The following MBOAT1 variants were observed in gnomAD, a reference collection of about 807,000 sequenced individuals.
The protein encoded by MBOAT1 is membrane-bound glycerophospholipid O-acyltransferase 1.
MBOAT1 carries 67 observed loss-of-function variants against 64.4 expected under a neutral mutation model. That is an observed-to-expected ratio of 1.04 (90% CI 0.85 to 1.27). The LOEUF is 1.27. MBOAT1 is among the 50% of genes most tolerant of loss of function. MBOAT1 has a pLI of 0.00. For missense variants in MBOAT1, 563 were observed against 604.6 expected (o/e 0.93, Z 0.72); for synonymous variants, 229 against 218.9 (o/e 1.05, Z -0.41).
chr6:20,144,430 C>T, intron 3 of MBOAT1, 115 bp from the exon 4 acceptor site: 1 of 718,712 alleles, frequency 1.4e-6, no homozygotes, highest in Non-Finnish European at 2.4e-6. Context: ...AATGTCCTAT[C>T]TGGTCTGACG....
rs16883368 is a variant in MBOAT1, at chr6:20,118,834, C to T, written c.908-294G>A. ...TGCAGAAATGAGAATAAACAAGAAA[C>T]GAAGAACCGAAATGAATAAATAAAC... On this transcript the variant is annotated intron_variant, in intron 8 of 12. Coordinates refer to ENST00000324607, the MANE Select transcript of MBOAT1 (RefSeq NM_001080480.3). 0.16 allele frequency among the ~76,000 whole-genome samples: 24,352 copies of T among 151,974 alleles called. 2,343 individuals are homozygous for T. The highest frequency in any genetic ancestry group is 0.41 in the East Asian group (2,119 of 5,146).
chr6:20,117,110 G>T (rs1760347681), intron 9 of MBOAT1, among the ~76,000 whole-genome samples: 1 of 152,166 alleles, frequency 6.6e-6, no homozygotes, highest in South Asian at 2.1e-4. Context: ...CGTGACCGGG[G>T]ACTGCTTCTT....
At chr6:20,180,797 G>A (rs1478703008) in intron 1 of MBOAT1, among the ~76,000 whole-genome samples, 1 of 152,164 alleles carries the variant, frequency 6.6e-6, no homozygotes, top group Non-Finnish European at 1.5e-5. Context: ...GACATACAAT[G>A]TATCCATGGG....
At chr6:20,206,102 C>G (rs1453615906) in intron 1 of MBOAT1, among the ~76,000 whole-genome samples, 1 of 152,216 alleles carries the variant, frequency 6.6e-6, no homozygotes, top group South Asian at 2.1e-4. Flanking sequence ...TTTACCATCA[C>G]GACAGCAAAG....
At chr6:20,111,916 A>G (rs1470858077) in intron 11 of MBOAT1, among the ~76,000 whole-genome samples, 1 of 144,246 alleles carries the variant, frequency 6.9e-6, no homozygotes, top group Non-Finnish European at 1.5e-5. Context: ...GTGTCTAACT[A>G]AAACAAGAGA....
At chr6:20,187,993 A>C (rs536438312) in intron 1 of MBOAT1, among the ~76,000 whole-genome samples, 106 of 152,298 alleles carry the variant, frequency 7.0e-4, no homozygotes, top group African/African-American at 2.4e-3. Context: ...TCAAAAAAAA[A>C]GAGAGAGAAG....
intron 5 of MBOAT1, among the ~76,000 whole-genome samples, chr6:20,129,195 G>A (rs1760745272): frequency 6.6e-6 from 1 of 151,832 alleles, no homozygotes; most frequent in Non-Finnish European, 1.5e-5. Flanking sequence ...CCTGGTTGTG[G>A]GACATAATGG....
In MBOAT1 at chr6:20,162,701, T is replaced by C. The variant is rs185559376; in HGVS notation, c.100-9932A>G. Reference sequence around the variant, plus strand: ...TCAATGGCCCCAAAACCCTCAGCTGTAGGGCAGCTCCATTAGTCAAACTGA... The same window carrying C: ...TCAATGGCCCCAAAACCCTCAGCTGCAGGGCAGCTCCATTAGTCAAACTGA... On this transcript the variant is annotated intron_variant, in intron 1 of 12. Coordinates refer to ENST00000324607, the MANE Select transcript of MBOAT1 (RefSeq NM_001080480.3). 2.0e-4 allele frequency among the ~76,000 whole-genome samples: 30 copies of C among 152,282 alleles called. 1 individual carries two copies. The highest frequency in any genetic ancestry group is 5.3e-4 in the African/African-American group (22 of 41,558).
chr6:20,159,122 A>G (rs188956101), intron 1 of MBOAT1, among the ~76,000 whole-genome samples: 2 of 152,110 alleles, frequency 1.3e-5, no homozygotes, highest in African/African-American at 4.8e-5. Context: ...CTGCACTCCC[A>G]TGCTCACTGC....
intron 4 of MBOAT1, among the ~76,000 whole-genome samples, chr6:20,136,921 T>C (rs1015888160): frequency 2.0e-5 from 3 of 152,220 alleles, no homozygotes; most frequent in South Asian, 4.1e-4. Context: ...TCTTGGGACA[T>C]GTATTTGTCT....
chr6:20,144,119 A>T, intron 4 of MBOAT1, 101 bp downstream of exon 4: 1 of 747,400 alleles, frequency 1.3e-6, no homozygotes, highest in Non-Finnish European at 2.3e-6. Flanking sequence ...TGATTTAACC[A>T]AGCACCAACG....
intron 4 of MBOAT1, among the ~76,000 whole-genome samples, chr6:20,137,182 G>A (rs546316686): frequency 6.6e-6 from 1 of 152,136 alleles, no homozygotes; most frequent in Non-Finnish European, 1.5e-5. Context: ...CTGCCTTCCA[G>A]AAGAGTTATG....
At chr6:20,193,028 C>G (rs530508943) in intron 1 of MBOAT1, among the ~76,000 whole-genome samples, 34 of 22,816 alleles carry the variant, frequency 1.5e-3, no homozygotes, top group African/African-American at 2.9e-3. Context: ...TTTTTTGAGA[C>G]GGAGTCTCGC....
At chr6:20,199,819 T>G (rs1763068446) in intron 1 of MBOAT1, among the ~76,000 whole-genome samples, 1 of 151,998 alleles carries the variant, frequency 6.6e-6, no homozygotes, top group African/African-American at 2.4e-5. Context: ...AATACAAAAA[T>G]TAGCCAGGTG....
At chr6:20,106,369 T>C (rs1342421738) in intron 12 of MBOAT1, among the ~76,000 whole-genome samples, 1 of 152,190 alleles carries the variant, frequency 6.6e-6, no homozygotes, top group Admixed American at 6.5e-5. Context: ...GCCACACATG[T>C]TGGGTGGCCA....
chr6:20,147,448 T>C (rs374778471), intron 3 of MBOAT1, among the ~76,000 whole-genome samples: 38 of 152,244 alleles, frequency 2.5e-4, no homozygotes, highest in African/African-American at 8.9e-4. Flanking sequence ...GAGACCAGCC[T>C]GACCAATATG....
intron 1 of MBOAT1, among the ~76,000 whole-genome samples, chr6:20,178,411 A>G (rs545355752): frequency 6.6e-6 from 1 of 152,318 alleles, no homozygotes; most frequent in East Asian, 1.9e-4. Flanking sequence ...ATAATAAAAA[A>G]AGTTGATAAA....
intron 8 of MBOAT1, among the ~76,000 whole-genome samples, chr6:20,119,449 T>C (rs988155537): frequency 2.0e-5 from 3 of 152,230 alleles, no homozygotes; most frequent in Non-Finnish European, 4.4e-5. Flanking sequence ...ATCAAAATAA[T>C]TAAGTGATAG....
intron 1 of MBOAT1, among the ~76,000 whole-genome samples, chr6:20,154,448 G>C (rs561984119): frequency 6.6e-6 from 1 of 152,080 alleles, no homozygotes; most frequent in African/African-American, 2.4e-5. Context: ...CAGGAGAATC[G>C]CTTGAACTCG....
Sources: gnomAD v4.1 joint callset for allele counts (sites outside exome capture counted in the v4.1 genomes callset) on GRCh38, gnomAD v4.1.1 for gene constraint, MANE v1.5 for transcripts, NCBI Gene and HGNC (gene_info 2026-07-23, HGNC 2026-07-21) for gene names.